Variants in ANKS1B observed in about 807,000 individuals in gnomAD.
ANKS1B encodes the protein ankyrin repeat and sterile alpha motif domain containing 1B.
Under a neutral mutation model 148.3 loss-of-function variants are expected in ANKS1B, and 36 were observed. The ratio of observed to expected loss-of-function variants is 0.24; its 90% CI spans 0.19 to 0.32. The LOEUF (loss-of-function observed/expected upper bound fraction) is 0.32, where lower values mean the gene tolerates loss of function less well. ANKS1B is among the 10% of genes least tolerant of loss of function. The pLI, the probability that ANKS1B is intolerant of heterozygous loss-of-function variation, is 1.00. For synonymous variants in ANKS1B, 542 were observed against 560.8 expected, an observed-to-expected ratio of 0.97 and a Z score of 0.47; for missense variants, 1,157 against 1,542.6, an observed-to-expected ratio of 0.75 and a Z score of 4.19.
At chr12:98,893,922 G>C (rs953292210) in intron 17 of ANKS1B, among the ~76,000 whole-genome samples, 3 of 152,180 alleles carry the variant, frequency 2.0e-5, no homozygotes, top group Admixed American at 6.5e-5. Flanking sequence ...ATAAACACAG[G>C]ACCTTGTTTG....
At chr12:98,827,911 T>C (rs1691453113) in intron 19 of ANKS1B, among the ~76,000 whole-genome samples, 1 of 152,122 alleles carries the variant, frequency 6.6e-6, no homozygotes, top group Non-Finnish European at 1.5e-5. Flanking sequence ...ACCACATATG[T>C]GACTCGAAAA....
At chr12:99,870,202 T>C (rs2091326300) in intron 1 of ANKS1B, among the ~76,000 whole-genome samples, 1 of 152,236 alleles carries the variant, frequency 6.6e-6, no homozygotes, top group Admixed American at 6.5e-5. Context: ...TATTTGGTTT[T>C]CTGCTCCTGC....
In ANKS1B at chr12:99,981,321, G is replaced by A. The variant is rs143596194; in HGVS notation, c.134+2783C>T. On this transcript the variant is annotated intron_variant, in intron 1 of 26. Transcript: ENST00000683438. Reference sequence around the variant, plus strand: ...GGCATTCTTACATTTGCTGAAAATTGCAGTGCCACCCAAAAGCATACCTGA... The same window carrying A: ...GGCATTCTTACATTTGCTGAAAATTACAGTGCCACCCAAAAGCATACCTGA... Among the ~76,000 whole-genome samples, 1,387 of 152,060 alleles carry A rather than the reference G, an allele frequency of 9.1e-3. 25 individuals carry two copies. Among genetic ancestry groups the A allele is most frequent in the African/African-American group, 0.031 (1,295 of 41,500 alleles).
At chr12:99,803,277 C>CCT (rs2067187121) in intron 4 of ANKS1B, among the ~76,000 whole-genome samples, 2 of 123,960 alleles carry the variant, frequency 1.6e-5, no homozygotes, top group South Asian at 2.8e-4. Context: ...AAATATTCAC[C>CCT]CCCCCCCAAA....
chr12:99,315,159 G>A (rs969292477), intron 12 of ANKS1B, among the ~76,000 whole-genome samples: 1 of 151,186 alleles, frequency 6.6e-6, no homozygotes, highest in Non-Finnish European at 1.5e-5. Context: ...AGAATTGCTT[G>A]AACCTGGGAG....
chr12:99,045,260 A>G (rs2099961579), intron 17 of ANKS1B, among the ~76,000 whole-genome samples: 2 of 152,188 alleles, frequency 1.3e-5, no homozygotes, highest in South Asian at 2.1e-4. Flanking sequence ...ATGGAGGCAC[A>G]TGTGTTTTTT....
At chr12:99,688,891 AAAG>A (rs1054001332) in intron 8 of ANKS1B, among the ~76,000 whole-genome samples, 1 of 152,220 alleles carries the variant, frequency 6.6e-6, no homozygotes, top group Admixed American at 6.5e-5. Flanking sequence ...AAAAAAAAAA[AAAG>A]AGAGAAAATG....
At chr12:98,869,929 T>C (rs1454268730) in intron 17 of ANKS1B, among the ~76,000 whole-genome samples, 1 of 152,130 alleles carries the variant, frequency 6.6e-6, no homozygotes. Context: ...CATGATGGAA[T>C]ATGGCAAAAT....
chr12:99,843,150 T>C (rs1489438218), intron 1 of ANKS1B, among the ~76,000 whole-genome samples: 1 of 152,134 alleles, frequency 6.6e-6, no homozygotes, highest in Non-Finnish European at 1.5e-5. Flanking sequence ...TCCTACATCA[T>C]TTCTGTCATT....
intron 8 of ANKS1B, among the ~76,000 whole-genome samples, chr12:99,748,980 A>T (rs1365497792): frequency 6.6e-6 from 1 of 152,116 alleles, no homozygotes; most frequent in Non-Finnish European, 1.5e-5. Context: ...CAATCATCTG[A>T]TATAGACACT....
chr12:99,803,469 G>A (rs2067224901), intron 4 of ANKS1B, among the ~76,000 whole-genome samples: 2 of 152,120 alleles, frequency 1.3e-5, no homozygotes, highest in Non-Finnish European at 2.9e-5. Flanking sequence ...GTCAATAGAA[G>A]AGGTTATAGC....
At chr12:98,832,418 C>T (rs1465480033) in intron 17 of ANKS1B, among the ~76,000 whole-genome samples, 1 of 152,090 alleles carries the variant, frequency 6.6e-6, no homozygotes, top group Non-Finnish European at 1.5e-5. Flanking sequence ...CAAGAGAAAC[C>T]AGCTCTTCTT....
chr12:99,187,716 C>T (rs1388294451), intron 14 of ANKS1B, among the ~76,000 whole-genome samples: 1 of 152,146 alleles, frequency 6.6e-6, no homozygotes, highest in Non-Finnish European at 1.5e-5. Context: ...AAAGGAACAA[C>T]CGGTCCAGCC....
chr12:99,165,992 G>A (rs1242769407), intron 14 of ANKS1B, among the ~76,000 whole-genome samples: 2 of 151,824 alleles, frequency 1.3e-5, no homozygotes, highest in African/African-American at 4.8e-5. Context: ...ATCAATTAAT[G>A]TGATTCATCA....
intron 1 of ANKS1B, among the ~76,000 whole-genome samples, chr12:99,914,767 C>A (rs1723313533): frequency 6.6e-6 from 1 of 151,976 alleles, no homozygotes; most frequent in Admixed American, 6.6e-5. Flanking sequence ...TCTGCTGAAA[C>A]CTCTGGGCCG....
At chr12:98,958,010 C>T (rs2099865319) in intron 17 of ANKS1B, among the ~76,000 whole-genome samples, 7 of 152,188 alleles carry the variant, frequency 4.6e-5, no homozygotes, top group South Asian at 4.1e-4. Context: ...TGAGGATGAG[C>T]GACAGAAGAA....
chr12:99,878,820 T>C lies in ANKS1B; in HGVS notation c.135-53431A>G, dbSNP rs115030720. On this transcript the variant is annotated intron_variant, in intron 1 of 26. Transcript: ENST00000683438. ...GCTTTCTTACTCTCTTATTCTTCCT[T>C]TTCTATAGTATTATGTTTTTATTTT... is the stretch of plus-strand genomic sequence containing the variant. Among the ~76,000 whole-genome samples the C allele has an allele frequency of 7.2e-3, 1,096 of 152,280 alleles. 11 individuals carry two copies. Among genetic ancestry groups the C allele is most frequent in the African/African-American group, 0.025 (1,035 of 41,564 alleles).
At chr12:99,275,575 G>A (rs1240774041) in intron 12 of ANKS1B, among the ~76,000 whole-genome samples, 1 of 152,062 alleles carries the variant, frequency 6.6e-6, no homozygotes, top group Non-Finnish European at 1.5e-5. Flanking sequence ...ACCACATTTT[G>A]TTTATTCATT....
intron 15 of ANKS1B, among the ~76,000 whole-genome samples, chr12:99,141,579 C>A (rs951997429): frequency 1.3e-5 from 2 of 151,786 alleles, no homozygotes; most frequent in African/African-American, 4.8e-5. Context: ...TCTCCCTCCC[C>A]CAACCCCCAC....
Sources: allele counts gnomAD v4.1 joint callset (sites outside exome capture counted in the v4.1 genomes callset), GRCh38; gene constraint gnomAD v4.1.1; transcripts MANE v1.5; gene names NCBI Gene and HGNC (gene_info 2026-07-23, HGNC 2026-07-21).